The following ABI2 variants were observed in gnomAD, a reference collection of about 807,000 sequenced individuals.
ABI2 encodes the protein abelson interactor 2.
A neutral mutation model predicts 59.2 loss-of-function variants in ABI2; 25 were observed. That is an observed-to-expected ratio of 0.42 (90% CI 0.31 to 0.59). The LOEUF (loss-of-function observed/expected upper bound fraction) is 0.59, where lower values mean the gene tolerates loss of function less well. Ranked by LOEUF, ABI2 falls within the 20% of genes least tolerant of loss-of-function variation. The probability of loss-of-function intolerance (pLI) is 0.14; values close to 1 mark genes in which losing one functional copy is unlikely to be tolerated. For missense variants in ABI2, 545 were observed against 681.8 expected, an observed-to-expected ratio of 0.80 and a Z score of 2.23; for synonymous variants, 213 against 235.5, an observed-to-expected ratio of 0.90 and a Z score of 0.87.
Position 203,402,609 on chromosome 2 carries a change from C to G in ABI2, c.1067C>G (p.Pro356Arg). Reference sequence around the variant, plus strand: ...GTACAGTTCTACAGCATGAATAGGCCTGCCTCTCGCCATACTCCCCCAACA... The same window carrying G: ...GTACAGTTCTACAGCATGAATAGGCGTGCCTCTCGCCATACTCCCCCAACA... Reference protein sequence around the residue: ...HPVQFYSMNRPASRHTPPTIG... With the variant: ...HPVQFYSMNRRASRHTPPTIG... Residue 356 changes from proline (P) to arginine (R), a missense_variant, in exon 9 of 12, where the codon CCT (proline) becomes CGT (arginine). Around this residue, in one of 4 missense-constraint regions of ABI2, gnomAD observed 410 missense variants for 435.6 expected, o/e 0.94. Coordinates refer to ENST00000261018, the MANE Select transcript of ABI2 (RefSeq NM_001375670.1). The G allele has an allele frequency of 1.3e-6, 2 of 1,597,346 alleles. No individual in the cohort carries two copies. Among genetic ancestry groups the G allele is most frequent in the Non-Finnish European group, 1.7e-6 (2 of 1,174,140 alleles).
chr2:203,355,962 C>T (rs1309885197), intron 1 of ABI2, among the ~76,000 whole-genome samples: 1 of 151,440 alleles, frequency 6.6e-6, no homozygotes, highest in African/African-American at 2.4e-5. Context: ...ATTGTAAAGG[C>T]ATTCTTTTAG....
intron 1 of ABI2, among the ~76,000 whole-genome samples, chr2:203,361,987 A>G (rs948710348): frequency 2.0e-5 from 3 of 152,238 alleles, no homozygotes; most frequent in Non-Finnish European, 4.4e-5. Context: ...ATTTTTTGTT[A>G]GAGGAAACAT....
chr2:203,411,216 G>C lies in ABI2; in HGVS notation c.1193-69G>C, dbSNP rs540070326. On this transcript the variant is annotated intron_variant, in intron 9 of 11. Transcript: ENST00000261018. Reference sequence around the variant, plus strand: ...CCCTCCTTTATGTGTTTATTTTATTGTATTATCCTTTCCTTTTAATGTAAC... The same window carrying C: ...CCCTCCTTTATGTGTTTATTTTATTCTATTATCCTTTCCTTTTAATGTAAC... 3.1e-3 allele frequency: 3,678 copies of C among 1,167,748 alleles called. 28 individuals carry two copies. The highest frequency in any genetic ancestry group is 0.012 in the South Asian group (984 of 81,022). 72.3% of individuals were successfully genotyped at this position (1,167,748 alleles called of 1,614,324 possible).
chr2:203,401,816 T>G (rs1328515389), intron 8 of ABI2, among the ~76,000 whole-genome samples: 3 of 152,180 alleles, frequency 2.0e-5, no homozygotes, highest in Admixed American at 2.0e-4. Flanking sequence ...TTAACCATAC[T>G]TTTTTGCTAC....
chr2:203,395,204 A>G (rs1447753432), intron 6 of ABI2: 2 of 602,046 alleles, frequency 3.3e-6, no homozygotes, highest in Admixed American at 3.2e-5. Flanking sequence ...ACATCAGAGT[A>G]TGATTATTAA....
chr2:203,401,748 GAA>G (rs1172651723), intron 8 of ABI2, among the ~76,000 whole-genome samples: 1 of 152,012 alleles, frequency 6.6e-6, no homozygotes, highest in African/African-American at 2.4e-5. Flanking sequence ...TTAAAAGAAA[GAA>G]ATGTTTGATT....
At chr2:203,348,530 A>G (rs2085240118) in intron 1 of ABI2, among the ~76,000 whole-genome samples, 3 of 152,214 alleles carry the variant, frequency 2.0e-5, no homozygotes, top group Admixed American at 2.0e-4. Context: ...TTAAAAGTAG[A>G]TTTATAAGCC....
intron 11 of ABI2, among the ~76,000 whole-genome samples, chr2:203,420,069 A>G (rs1204078686): frequency 6.6e-6 from 1 of 152,232 alleles, no homozygotes; most frequent in African/African-American, 2.4e-5. Flanking sequence ...AGGAAAGTTA[A>G]GTATGTACTG....
At chr2:203,365,041 T>C (rs936739097) in intron 1 of ABI2, among the ~76,000 whole-genome samples, 3 of 152,204 alleles carry the variant, frequency 2.0e-5, no homozygotes, top group Non-Finnish European at 4.4e-5. Context: ...GCCAGCGTTA[T>C]GCTTTACTCC....
intron 1 of ABI2, among the ~76,000 whole-genome samples, chr2:203,347,486 A>G (rs1255438016): frequency 2.6e-5 from 4 of 152,244 alleles, no homozygotes; most frequent in African/African-American, 9.6e-5. Context: ...AGTAAATGGC[A>G]TGATGACATT....
chr2:203,348,730 T>C (rs886403274), intron 1 of ABI2, among the ~76,000 whole-genome samples: 18 of 152,208 alleles, frequency 1.2e-4, no homozygotes, highest in African/African-American at 3.9e-4. Context: ...ATTTCTCATG[T>C]ATTTTCTTCC....
At chr2:203,361,809 A>G (rs1043161986) in intron 1 of ABI2, among the ~76,000 whole-genome samples, 1 of 152,154 alleles carries the variant, frequency 6.6e-6, no homozygotes, top group African/African-American at 2.4e-5. Flanking sequence ...CCTGTGTCTT[A>G]TAGTGTCATT....
chr2:203,341,493 CT>C (rs1259464009), intron 1 of ABI2, among the ~76,000 whole-genome samples: 2 of 152,064 alleles, frequency 1.3e-5, no homozygotes, highest in Non-Finnish European at 2.9e-5. Flanking sequence ...GGCAGGCAGA[CT>C]TCCTGAGCTC....
intron 1 of ABI2, among the ~76,000 whole-genome samples, chr2:203,353,993 A>G (rs2090493445): frequency 1.3e-5 from 2 of 152,194 alleles, no homozygotes; most frequent in African/African-American, 4.8e-5. Context: ...TATCCATTAT[A>G]TCTATATAAG....
At chr2:203,357,887 G>A (rs564585641) in intron 1 of ABI2, among the ~76,000 whole-genome samples, 9 of 152,130 alleles carry the variant, frequency 5.9e-5, no homozygotes, top group African/African-American at 2.2e-4. Flanking sequence ...TCCTGCCTCA[G>A]CCTCCCAAGT....
chr2:203,339,978 A>G (rs1186169812), intron 1 of ABI2, among the ~76,000 whole-genome samples: 2 of 152,212 alleles, frequency 1.3e-5, no homozygotes, highest in Non-Finnish European at 2.9e-5. Flanking sequence ...TTTGAAAATA[A>G]TCTGTATATT....
chr2:203,427,282 G>A lies in ABI2; in HGVS notation c.1559G>A (p.Gly520Glu), dbSNP rs1339865534. The A allele has an allele frequency of 1.2e-6, 2 of 1,613,970 alleles. No homozygotes were observed. The highest frequency in any genetic ancestry group is 1.7e-6 in the Non-Finnish European group (2 of 1,179,966). Residue 520 changes from glycine to glutamate, a missense_variant, in exon 12 of 12, where the codon GGA becomes GAA. Physicochemically the swap from Gly to Glu is moderately conservative, Grantham distance 98. Coordinates refer to ENST00000261018, the MANE Select transcript of ABI2 (RefSeq NM_001375670.1). ...AAGAATGACGATGGTTGGTATGAGG[G>A]AGTTATGAATGGAGTGACTGGGCTT... Reference protein sequence around the residue: ...IKKNDDGWYEGVMNGVTGLFP... With the variant: ...IKKNDDGWYEEVMNGVTGLFP...
At chr2:203,417,116 G>T in intron 11 of ABI2, 35 bp downstream of exon 11, 1 of 1,547,106 alleles carries the variant, frequency 6.5e-7, no homozygotes, top group South Asian at 1.2e-5. Flanking sequence ...TAGATGGGAA[G>T]AAACCTCTAC....
chr2:203,352,318 T>C (rs1193262959), intron 1 of ABI2, among the ~76,000 whole-genome samples: 1 of 152,208 alleles, frequency 6.6e-6, no homozygotes, highest in Non-Finnish European at 1.5e-5. Flanking sequence ...TATTGTACTT[T>C]TTATTTTAGA....
Sources: gnomAD v4.1 joint callset for allele counts (sites outside exome capture counted in the v4.1 genomes callset) on GRCh38, gnomAD v4.1.1 for gene constraint, gnomAD v4.1.1 regional missense constraint, MANE v1.5 for transcripts, NCBI Gene and HGNC (gene_info 2026-07-23, HGNC 2026-07-21) for gene names.